Variants in NOSTRIN observed in about 807,000 individuals in gnomAD.
NOSTRIN encodes the protein BM247 homolog.
A neutral mutation model predicts 59.0 loss-of-function variants in NOSTRIN; 63 were observed. The ratio of observed to expected loss-of-function variants is 1.07; its 90% confidence interval spans 0.87 to 1.32. NOSTRIN has a LOEUF of 1.32. NOSTRIN is among the 40% of genes most tolerant of loss of function. NOSTRIN has a pLI of 0.00. For missense variants in NOSTRIN, 512 were observed against 473.1 expected (o/e 1.08, Z -0.76); for synonymous variants, 200 against 165.4 (o/e 1.21, Z -1.61).
rs1053957736 is a variant in NOSTRIN at position 168,853,993 on chromosome 2, A to G, written c.856-1359A>G. ...AGTGATTCTCCTGCCCCAGCCTCCC[A>G]AGTAGCTGTGATTACAGGTGCACAC... On this transcript the variant is annotated intron_variant, in intron 10 of 15. Coordinates refer to ENST00000317647, the MANE Select transcript of NOSTRIN (RefSeq NM_001039724.4). 3.0e-4 allele frequency among the ~76,000 whole-genome samples: 46 copies of G among 152,112 alleles called. 1 individual carries two copies. Among genetic ancestry groups the G allele is most frequent in the African/African-American group, 1.0e-3 (42 of 41,426 alleles).
At chr2:168,854,051 T>C (rs1035592177) in intron 10 of NOSTRIN, among the ~76,000 whole-genome samples, 1 of 152,072 alleles carries the variant, frequency 6.6e-6, no homozygotes, top group African/African-American at 2.4e-5. Flanking sequence ...GTATTTTTAG[T>C]AGACAGAGGG....
chr2:168,860,890 T>A lies in NOSTRIN; in HGVS notation c.1275T>A (p.Asn425Lys). Residue 425 changes from asparagine to lysine, a missense_variant, in exon 14 of 16, where the codon AAT becomes AAA. Asn to Lys is a moderately conservative substitution (Grantham distance 94). Coordinates refer to ENST00000317647, the MANE Select transcript of NOSTRIN (RefSeq NM_001039724.4). Reference protein sequence around the residue: ...VSKASSGGQSNPGSSTPAPGA... With the variant: ...VSKASSGGQSKPGSSTPAPGA... ...AGGCATCTTCTGGTGGGCAGAGCAA[T>A]CCAGGTTCTTCAACTCCAGGTAATC... The A allele has an allele frequency of 6.2e-7, 1 of 1,613,174 alleles. No individual in the cohort carries two copies. The highest frequency in any genetic ancestry group is 8.5e-7 in the Non-Finnish European group (1 of 1,179,160).
chr2:168,837,027 A>G (rs73032206), intron 7 of NOSTRIN, among the ~76,000 whole-genome samples: 9,426 of 152,146 alleles, frequency 0.062, 528 homozygotes, highest in East Asian at 0.28. Context: ...CAGACCGGCT[A>G]CTTCTCATTG....
At chr2:168,862,549 TAAG>T in intron 15 of NOSTRIN, among the ~76,000 whole-genome samples, 1 of 152,296 alleles carries the variant, frequency 6.6e-6, no homozygotes, top group South Asian at 2.1e-4. Flanking sequence ...TTAGTGTAAG[TAAG>T]TGCAAATTCT....
intron 15 of NOSTRIN, among the ~76,000 whole-genome samples, chr2:168,864,157 G>A (rs936225805): frequency 3.3e-5 from 5 of 151,938 alleles, no homozygotes; most frequent in South Asian, 2.1e-4. Flanking sequence ...TAGTAGAGAC[G>A]GGGTTTCACC....
intron 12 of NOSTRIN, 122 bp downstream of exon 12, chr2:168,856,900 T>G (rs1689158839): frequency 2.4e-6 from 2 of 822,960 alleles, no homozygotes; most frequent in Admixed American, 4.4e-5. Flanking sequence ...AACAATCTAG[T>G]GGGGGAGCTT....
rs1054841627 is a variant in NOSTRIN at position 168,863,643 on chromosome 2, TG to T, written c.1385-1187del. 2.9e-5 allele frequency: 28 copies of T among 969,514 alleles called. No homozygotes were observed. In the African/African-American group the frequency reaches 5.5e-4, roughly 19 times the overall value. 60.1% of individuals were successfully genotyped at this position (969,514 alleles called of 1,614,324 possible). A position where few individuals can be genotyped will look rare whatever the true frequency, so the allele number is the denominator to read the frequency against. ...GTTGAATGGGGAGTTACATTTTGAA[TG>T]GGGAGTTACATTTCTGTGCAAAGCT... On this transcript the variant is annotated intron_variant, in intron 15 of 15. Coordinates refer to ENST00000317647, the MANE Select transcript of NOSTRIN (RefSeq NM_001039724.4).
At chr2:168,857,437 T>G (rs1689193635) in intron 12 of NOSTRIN, among the ~76,000 whole-genome samples, 1 of 152,030 alleles carries the variant, frequency 6.6e-6, no homozygotes, top group African/African-American at 2.4e-5. Flanking sequence ...GAGGGCAAAG[T>G]TCTTTAAGGG....
rs776762076 is a variant in NOSTRIN at position 168,824,638 on chromosome 2, A to G, written c.118A>G (p.Asn40Asp). The G allele has an allele frequency of 6.9e-6, 6 of 872,478 alleles. No homozygotes were observed. Among genetic ancestry groups the G allele is most frequent in the Non-Finnish European group, 1.0e-5 (5 of 501,402 alleles). 54.0% of individuals were successfully genotyped at this position (872,478 alleles called of 1,614,324 possible). Residue 40 changes from asparagine (N) to aspartate (D), a missense_variant, in exon 3 of 16, where the codon AAC (asparagine) becomes GAC (aspartate). By Grantham distance (23) the Asn-to-Asp change is conservative (BLOSUM62 1). Transcript: ENST00000317647. ...QVTSVLQQRA[N>D]LEISYAKGLQ... ...TAACTAGTCCTTTTCTAACAGGGCAAACCTGGAAATTAGCTATGCCAAAGG... is the reference window on the plus strand; with the variant it reads ...TAACTAGTCCTTTTCTAACAGGGCAGACCTGGAAATTAGCTATGCCAAAGG...
chr2:168,855,797 T>C (rs1291096386), intron 11 of NOSTRIN: 2 of 442,012 alleles, frequency 4.5e-6, no homozygotes, highest in Middle Eastern at 4.1e-4. Context: ...CAACCAACTG[T>C]GCATGAGAGT....
chr2:168,833,805 TAAAAC>T (rs1687512787), intron 6 of NOSTRIN, among the ~76,000 whole-genome samples: 1 of 93,956 alleles, frequency 1.1e-5, no homozygotes, highest in South Asian at 4.1e-4. Flanking sequence ...GAGAACATCT[TAAAAC>T]AATCTCAAAT....
chr2:168,860,716 CA>C, intron 13 of NOSTRIN, 78 bp from the exon 14 acceptor site: 4 of 851,152 alleles, frequency 4.7e-6, no homozygotes, highest in Non-Finnish European at 5.6e-6. Context: ...TTGAGGAAAA[CA>C]GCTACAGAAG....
chr2:168,787,478 T>G (rs928750425), intron 1 of NOSTRIN, among the ~76,000 whole-genome samples: 2 of 152,234 alleles, frequency 1.3e-5, no homozygotes, highest in Non-Finnish European at 2.9e-5. Context: ...AGCCTTAGCC[T>G]TTGGGAATTT....
chr2:168,836,590 C>A (rs1249593895), intron 7 of NOSTRIN, among the ~76,000 whole-genome samples: 1 of 152,188 alleles, frequency 6.6e-6, no homozygotes, highest in African/African-American at 2.4e-5. Flanking sequence ...TGGTTTCCTG[C>A]TCAGCAGTCT....
At chr2:168,843,140 TTTC>T (rs751228530) in intron 8 of NOSTRIN, 23 bp downstream of exon 8, 2 of 857,586 alleles carry the variant, frequency 2.3e-6, no homozygotes, top group African/African-American at 1.7e-5. Flanking sequence ...TTCACATTTT[TTTC>T]TTCTTCTGTG....
Position 168,828,787 on chromosome 2 carries a change from A to G in NOSTRIN, c.342+286A>G, listed in dbSNP as rs569851018. Among the ~76,000 whole-genome samples, 44 of 152,254 alleles carry G rather than the reference A, an allele frequency of 2.9e-4. No homozygotes were observed. The South Asian group carries it at 9.1e-3, about 32-fold the overall frequency. On this transcript the variant is annotated intron_variant, in intron 5 of 15. Coordinates refer to ENST00000317647, the MANE Select transcript of NOSTRIN (RefSeq NM_001039724.4). Reference sequence around the variant, plus strand: ...AATTCAAGCAATAGAATAATTTGCAATGATTCAAAATCTTATTGTAGAAGA... The same window carrying G: ...AATTCAAGCAATAGAATAATTTGCAGTGATTCAAAATCTTATTGTAGAAGA...
chr2:168,826,362 C>T (rs994639625), intron 3 of NOSTRIN, among the ~76,000 whole-genome samples: 2 of 152,088 alleles, frequency 1.3e-5, no homozygotes, highest in Non-Finnish European at 2.9e-5. Context: ...TTATCCATAC[C>T]GAAATCTGTG....
chr2:168,849,991 C>T (rs914315559), intron 8 of NOSTRIN, among the ~76,000 whole-genome samples: 12 of 151,184 alleles, frequency 7.9e-5, no homozygotes, highest in Non-Finnish European at 1.2e-4. Context: ...TCTCGGCTCA[C>T]TGCAAACTTC....
intron 10 of NOSTRIN, among the ~76,000 whole-genome samples, chr2:168,852,373 C>T (rs1356671763): frequency 2.0e-5 from 3 of 152,150 alleles, no homozygotes; most frequent in Non-Finnish European, 4.4e-5. Flanking sequence ...AGCCCAAGCA[C>T]GTTGCCCCTT....
Sources: allele counts gnomAD v4.1 joint callset (sites outside exome capture counted in the v4.1 genomes callset), GRCh38; gene constraint gnomAD v4.1.1; transcripts MANE v1.5; gene names NCBI Gene and HGNC (gene_info 2026-07-23, HGNC 2026-07-21).